SF3B3: variants seen among roughly 807,000 people sequenced by gnomAD.
SF3B3 encodes splicing factor 3b subunit 3, also known as SAP 130.
A neutral mutation model predicts 139.2 loss-of-function variants in SF3B3; 33 were observed. The ratio of observed to expected loss-of-function variants is 0.24; its 90% CI spans 0.18 to 0.32. The LOEUF is 0.32. Ranked by LOEUF, SF3B3 falls within the 10% of genes least tolerant of loss-of-function variation. The pLI is 1.00. For synonymous variants in SF3B3, 596 were observed against 563.6 expected, an observed-to-expected ratio of 1.06 and a Z score of -0.81; for missense variants, 818 against 1,509.4, an observed-to-expected ratio of 0.54 and a Z score of 7.59.
chr16:70,577,298 C>T lies in SF3B3; in HGVS notation c.*5485C>T, dbSNP rs2050589245. On this transcript the variant is annotated 3_prime_UTR_variant, in exon 26 of 26. Coordinates refer to ENST00000302516, the MANE Select transcript of SF3B3 (RefSeq NM_012426.5). The stretch of plus-strand genomic sequence containing the variant: ...GCTTTGAAAGAAAGGGGCATCATTC[C>T]AAGCCAAGAGGCCCCAGAGAGGGCA... 6.6e-6 allele frequency: 1 copy of T among 152,276 alleles called. No individual in the cohort carries two copies. The highest frequency in any genetic ancestry group is 1.5e-5 in the Non-Finnish European group (1 of 68,110). 9.4% of individuals were successfully genotyped at this position (152,276 alleles called of 1,614,324 possible).
intron 2 of SF3B3, chr16:70,527,012 T>C (rs2050070871): frequency 6.6e-6 from 3 of 457,684 alleles, no homozygotes; most frequent in Non-Finnish European, 1.2e-5. Context: ...CATACTGAGA[T>C]GTGTAAGACC....
At chr16:70,556,451 C>G in intron 14 of SF3B3, 117 bp downstream of exon 14, 1 of 1,138,174 alleles carries the variant, frequency 8.8e-7, no homozygotes, top group Non-Finnish European at 1.3e-6. Context: ...TGGGTTAGAA[C>G]CCAGAATCCA....
rs1408976760 is a variant in SF3B3, at chr16:70,572,892, C to G, written c.*1079C>G. On this transcript the variant is annotated 3_prime_UTR_variant, in exon 26 of 26. Transcript: ENST00000302516. ...CTCCTGTTTAGTTGTGTGGGAAGCC[C>G]TCGTCTTCCAGGCTGTCCTTGCGCC... is the stretch of plus-strand genomic sequence containing the variant. The G allele has an allele frequency of 1.3e-5, 2 of 152,224 alleles. No homozygotes were observed. The highest frequency in any genetic ancestry group is 4.8e-5 in the African/African-American group (2 of 41,442). The allele number at this position is 152,224 out of a possible 1,614,324, so 9.4% of individuals were successfully genotyped here.
chr16:70,556,414 C>T, intron 14 of SF3B3, 80 bp downstream of exon 14: 2 of 1,471,552 alleles, frequency 1.4e-6, no homozygotes, highest in East Asian at 2.3e-5. Context: ...CTGAGATCCA[C>T]TCCTGATGTC....
intron 5 of SF3B3, among the ~76,000 whole-genome samples, 170 bp from the exon 6 acceptor site, chr16:70,535,136 CTG>C (rs2050154465): frequency 6.6e-6 from 1 of 152,190 alleles, no homozygotes; most frequent in Non-Finnish European, 1.5e-5. Context: ...TAAACACAAA[CTG>C]TGCTTCATCC....
At chr16:70,567,583 G>A (rs758105278) in intron 21 of SF3B3, 47 bp downstream of exon 21, 2 of 1,582,192 alleles carry the variant, frequency 1.3e-6, no homozygotes, top group Non-Finnish European at 1.7e-6. Flanking sequence ...TGTGTCAAGG[G>A]TGGGGGCATT....
In SF3B3 at chr16:70,569,997, G is replaced by A; in HGVS notation, c.3265-9G>A. The stretch of plus-strand genomic sequence containing the variant: ...TGCACACAGTCACTAGTCTGTTTGT[G>A]ACTCACAGGCAGAGGTGATCATGAA... On this transcript the variant is annotated splice_polypyrimidine_tract_variant and intron_variant, in intron 23 of 25. Coordinates refer to ENST00000302516, the MANE Select transcript of SF3B3 (RefSeq NM_012426.5). The A allele has an allele frequency of 1.2e-6, 2 of 1,613,892 alleles. No homozygotes were observed. The highest frequency in any genetic ancestry group is 1.7e-6 in the Non-Finnish European group (2 of 1,179,886).
rs1029729947 is a variant in SF3B3, at chr16:70,574,431, C to T, written c.*2618C>T. ...CTCCTGACCTCAAAAAATCTTCCTG[C>T]CTTGGCCTCCCAAAGCACTGGGATT... On this transcript the variant is annotated 3_prime_UTR_variant, in exon 26 of 26. Transcript: ENST00000302516. The T allele has an allele frequency of 2.0e-5, 3 of 152,244 alleles. No individual in the cohort carries two copies. Among genetic ancestry groups the T allele is most frequent in the East Asian group, 1.9e-4 (1 of 5,196 alleles). The allele number at this position is 152,244 out of a possible 1,614,324, so 9.4% of individuals were successfully genotyped here.
intron 10 of SF3B3, among the ~76,000 whole-genome samples, chr16:70,546,193 ACTC>A (rs1164688985): frequency 6.6e-6 from 1 of 150,560 alleles, no homozygotes; most frequent in Non-Finnish European, 1.5e-5. Flanking sequence ...CTGGTCTTGA[ACTC>A]CTGGGCTCAA....
At position 70,538,534 on chromosome 16, in the gene SF3B3, GT is replaced by G; in HGVS notation, c.963+76del. ...AGGCAAGACAGGTAATACTTTACAAGTTAAAAAAATGAGAACTTAGAAAGTA... is the reference window on the plus strand; with the variant it reads ...AGGCAAGACAGGTAATACTTTACAAGTAAAAAAATGAGAACTTAGAAAGTA... On this transcript the variant is annotated intron_variant, in intron 7 of 25. Transcript: ENST00000302516. 3 of 1,326,384 alleles carry G rather than the reference GT, an allele frequency of 2.3e-6. No homozygotes were observed. In the South Asian group the frequency reaches 4.2e-5, roughly 18 times the overall value. 82.2% of individuals were successfully genotyped at this position (1,326,384 alleles called of 1,614,324 possible).
intron 9 of SF3B3, 146 bp downstream of exon 9, chr16:70,541,980 T>G: frequency 4.5e-6 from 3 of 670,824 alleles, no homozygotes; most frequent in Non-Finnish European, 4.8e-6. Flanking sequence ...AAACCATTAA[T>G]AAGTCCTCGG....
intron 11 of SF3B3, among the ~76,000 whole-genome samples, chr16:70,551,736 G>T (rs1245454830): frequency 6.6e-6 from 1 of 152,076 alleles, no homozygotes; most frequent in Non-Finnish European, 1.5e-5. Flanking sequence ...TAGAATTGGG[G>T]TCTTGTTATG....
At chr16:70,529,300 G>T in intron 3 of SF3B3, 101 bp downstream of exon 3, 8 of 970,408 alleles carry the variant, frequency 8.2e-6, no homozygotes, top group Non-Finnish European at 1.2e-5. Context: ...TGTGGGTTTG[G>T]CATCATGTTT....
intron 2 of SF3B3, among the ~76,000 whole-genome samples, chr16:70,527,267 G>T (rs1475157109): frequency 6.6e-6 from 1 of 152,214 alleles, no homozygotes; most frequent in African/African-American, 2.4e-5. Context: ...ATGGATTAAG[G>T]CTAGGTTTGA....
chr16:70,541,798 T>C lies in SF3B3; in HGVS notation c.1197T>C (p.Asp399=), dbSNP rs777233285. The C allele has an allele frequency of 1.9e-6, 3 of 1,614,174 alleles. No homozygotes were observed. The highest frequency in any genetic ancestry group is 2.2e-5 in the East Asian group (1 of 44,892). ...CACTTAAAAACCTTGTGCTGGTTGA[T>C]GAGTTGGACAGCCTCTCTCCCATTC... ...PRPLKNLVLV[D]ELDSLSPILF... Residue 399 remains aspartate (D), a synonymous_variant, in exon 9 of 26, where the codon GAT becomes GAC. Coordinates refer to ENST00000302516, the MANE Select transcript of SF3B3 (RefSeq NM_012426.5).
At chr16:70,528,803 A>G in intron 2 of SF3B3, 70 bp from the exon 3 acceptor site, 1 of 1,130,518 alleles carries the variant, frequency 8.8e-7, no homozygotes, top group Non-Finnish European at 1.3e-6. Context: ...TTTTTAGTAG[A>G]GACGGGGTTT....
At chr16:70,550,760 C>A in intron 11 of SF3B3, 1 of 649,486 alleles carries the variant, frequency 1.5e-6, no homozygotes, top group Non-Finnish European at 1.9e-6. Flanking sequence ...TTGAGGCTGC[C>A]CTGATGGTGT....
chr16:70,554,385 C>T, intron 11 of SF3B3, 61 bp from the exon 12 acceptor site: 2 of 1,526,826 alleles, frequency 1.3e-6, no homozygotes, highest in Non-Finnish European at 1.8e-6. Flanking sequence ...CTTAGTGTTT[C>T]ATTTGGCTTT....
chr16:70,567,641 T>G (rs949604725), intron 21 of SF3B3, 105 bp downstream of exon 21: 1 of 1,333,136 alleles, frequency 7.5e-7, no homozygotes, highest in Non-Finnish European at 1.0e-6. Flanking sequence ...TTATTAGGAC[T>G]TGTTGTGTTA....
Sources: gnomAD v4.1 joint callset for allele counts (sites outside exome capture counted in the v4.1 genomes callset) on GRCh38, gnomAD v4.1.1 for gene constraint, MANE v1.5 for transcripts, NCBI Gene and HGNC (gene_info 2026-07-23, HGNC 2026-07-21) for gene names.